PTPRT: variants seen among roughly 807,000 people sequenced by gnomAD.
PTPRT encodes the protein protein tyrosine phosphatase receptor type T.
In PTPRT, 56 loss-of-function variants were observed where a neutral mutation model predicts 176.8. The ratio of observed to expected loss-of-function variants is 0.32; its 90% confidence interval spans 0.26 to 0.40. The LOEUF (loss-of-function observed/expected upper bound fraction) is 0.40. Ranked by LOEUF, PTPRT falls within the 10% of genes least tolerant of loss-of-function variation. The probability of loss-of-function intolerance (pLI) is 1.00; values close to 1 mark genes in which losing one functional copy is unlikely to be tolerated. For missense variants in PTPRT, 1,540 were observed against 1,908.2 expected (o/e 0.81, Z 3.60); for synonymous variants, 783 against 739.0 (o/e 1.06, Z -0.96).
At chr20:42,646,513 T>C (rs1320464444) in intron 7 of PTPRT, among the ~76,000 whole-genome samples, 1 of 152,156 alleles carries the variant, frequency 6.6e-6, no homozygotes, top group Non-Finnish European at 1.5e-5. Context: ...AGAGCTGCAC[T>C]TCCAATATGG....
intron 15 of PTPRT, among the ~76,000 whole-genome samples, chr20:42,227,632 G>T (rs1440246224): frequency 1.5e-5 from 2 of 131,906 alleles, no homozygotes; most frequent in East Asian, 4.9e-4. Context: ...TTTTGAGACG[G>T]AGTTCACTCT....
intron 2 of PTPRT, among the ~76,000 whole-genome samples, chr20:42,839,340 G>C (rs1444727179): frequency 3.4e-5 from 5 of 147,998 alleles, no homozygotes. Context: ...CCCTTCACAT[G>C]ATCTAGCTCT....
chr20:43,093,551 C>T (rs185004078), intron 1 of PTPRT, among the ~76,000 whole-genome samples: 56 of 152,338 alleles, frequency 3.7e-4, no homozygotes, highest in African/African-American at 1.3e-3. Flanking sequence ...TGCACACACA[C>T]AACAGGTCTG....
intron 1 of PTPRT, among the ~76,000 whole-genome samples, chr20:43,180,157 C>G (rs1333175675): frequency 6.6e-6 from 1 of 152,168 alleles, no homozygotes; most frequent in African/African-American, 2.4e-5. Flanking sequence ...TCCTCTCCTT[C>G]CCTTGGGCAT....
rs115701145 is a variant in PTPRT at position 42,378,793 on chromosome 20, G to A, written c.1561-26508C>T. ...GGCTCAGTTTCCTCATCTGTAGAGCGCAGATACTAATGGTATCCCCTTCAC... is the reference window on the plus strand; with the variant it reads ...GGCTCAGTTTCCTCATCTGTAGAGCACAGATACTAATGGTATCCCCTTCAC... On this transcript the variant is annotated intron_variant, in intron 9 of 30. Transcript: ENST00000373187. Among the ~76,000 whole-genome samples the A allele has an allele frequency of 6.8e-3, 1,032 of 152,232 alleles. 16 individuals are homozygous for A. Among genetic ancestry groups the A allele is most frequent in the African/African-American group, 0.024 (983 of 41,546 alleles).
chr20:42,300,783 A>ATTATTAT (rs2057455554), intron 12 of PTPRT, among the ~76,000 whole-genome samples: 1 of 141,296 alleles, frequency 7.1e-6, no homozygotes, highest in Non-Finnish European at 1.5e-5. Flanking sequence ...ATTATTATTT[A>ATTATTAT]TTATTATTAT....
At chr20:43,065,041 C>A (rs1987630762) in intron 1 of PTPRT, among the ~76,000 whole-genome samples, 1 of 152,156 alleles carries the variant, frequency 6.6e-6, no homozygotes, top group South Asian at 2.1e-4. Flanking sequence ...TCTCTTCCAA[C>A]CCACACTCTT....
rs375146456 is a variant in PTPRT, at chr20:43,032,473, T to TAAAA, written c.89-146545_89-146542dup. ...CACCCACTGTCCCAAATCTTTTCAT[T>TAAAA]AAAAAAAAAAAAAAAAAACAGTGGC... On this transcript the variant is annotated intron_variant, in intron 1 of 30. Transcript: ENST00000373187. 4.2e-3 allele frequency among the ~76,000 whole-genome samples: 505 copies of TAAAA among 121,626 alleles called. 5 individuals are homozygous for TAAAA. The highest frequency in any genetic ancestry group is 0.014 in the African/African-American group (478 of 33,364). The allele number at this position is 121,626 out of a possible 152,430, so 79.8% of individuals were successfully genotyped here.
intron 1 of PTPRT, among the ~76,000 whole-genome samples, chr20:42,932,053 G>A (rs528034252): frequency 7.2e-5 from 11 of 152,194 alleles, no homozygotes; most frequent in African/African-American, 1.9e-4. Flanking sequence ...TGGCTTGGGC[G>A]TGAGTCCTGC....
chr20:42,580,336 G>GT (rs1568992627), intron 7 of PTPRT, among the ~76,000 whole-genome samples: 1 of 151,964 alleles, frequency 6.6e-6, no homozygotes, highest in African/African-American at 2.4e-5. Context: ...GTCAGGTAGC[G>GT]TGATGCCTCC....
intron 27 of PTPRT, among the ~76,000 whole-genome samples, chr20:42,089,006 T>G (rs1458116545): frequency 6.6e-6 from 1 of 152,178 alleles, no homozygotes; most frequent in South Asian, 2.1e-4. Context: ...ATAAATAGCA[T>G]AAGTATGCAA....
In PTPRT at chr20:42,381,034, T is replaced by A. The variant is rs1273047714; in HGVS notation, c.1561-28749A>T. 2.0e-5 allele frequency among the ~76,000 whole-genome samples: 3 copies of A among 152,162 alleles called. No homozygotes were observed. The East Asian group carries it at 5.8e-4, about 30-fold the overall frequency. On this transcript the variant is annotated intron_variant, in intron 9 of 30. Coordinates refer to ENST00000373187, the MANE Select transcript of PTPRT (RefSeq NM_007050.6). ...AAGGGAGGGAGGTGCTACACACTTTTAAACAACCAGATCTCACGAGAACTC... is the reference window on the plus strand; with the variant it reads ...AAGGGAGGGAGGTGCTACACACTTTAAAACAACCAGATCTCACGAGAACTC...
chr20:43,045,784 A>C (rs1310373133), intron 1 of PTPRT, among the ~76,000 whole-genome samples: 1 of 152,070 alleles, frequency 6.6e-6, no homozygotes, highest in African/African-American at 2.4e-5. Flanking sequence ...TTTTGAGTTT[A>C]TAATCTCCTG....
chr20:42,719,831 C>T (rs1018124121), intron 6 of PTPRT, among the ~76,000 whole-genome samples: 2 of 152,222 alleles, frequency 1.3e-5, no homozygotes, highest in Admixed American at 6.5e-5. Flanking sequence ...GGCAGCCCCA[C>T]GTCCCCAGGT....
In PTPRT at chr20:43,046,543, C is replaced by CAA. The variant is rs3092687; in HGVS notation, c.88+143101_88+143102dup. Among the ~76,000 whole-genome samples the CAA allele has an allele frequency of 4.0e-3, 561 of 140,568 alleles. 3 individuals are homozygous for CAA. Among genetic ancestry groups the CAA allele is most frequent in the African/African-American group, 0.012 (464 of 38,910 alleles). 92.2% of individuals were successfully genotyped at this position (140,568 alleles called of 152,430 possible). A position where few individuals can be genotyped will look rare whatever the true frequency, so the allele number is the denominator to read the frequency against. On this transcript the variant is annotated intron_variant, in intron 1 of 30. Transcript: ENST00000373187. The stretch of plus-strand genomic sequence containing the variant: ...TGGGTAACAGAGCGAGTCTCTGTCT[C>CAA]AAAAAAAAAAAAAATGGTTACTGAA...
chr20:43,055,996 T>G (rs1265750188), intron 1 of PTPRT, among the ~76,000 whole-genome samples: 3 of 152,174 alleles, frequency 2.0e-5, no homozygotes, highest in Non-Finnish European at 4.4e-5. Flanking sequence ...AACTATTATA[T>G]TAGACAGAAA....
chr20:42,106,342 C>T (rs1986439613), intron 24 of PTPRT, among the ~76,000 whole-genome samples: 1 of 152,234 alleles, frequency 6.6e-6, no homozygotes, highest in Non-Finnish European at 1.5e-5. Context: ...AAATGCCCAG[C>T]ACCCAGCTTA....
chr20:42,620,020 C>G (rs202095737), intron 7 of PTPRT, among the ~76,000 whole-genome samples: 1 of 150,102 alleles, frequency 6.7e-6, no homozygotes, highest in Non-Finnish European at 1.5e-5. Context: ...AGGCGCTCTG[C>G]GTTTTAGAAT....
Position 42,077,098 on chromosome 20 carries a change from C to T in PTPRT, c.*3781G>A, listed in dbSNP as rs947729422. 5.5e-5 allele frequency: 10 copies of T among 182,374 alleles called. No individual in the cohort carries two copies. The highest frequency in any genetic ancestry group is 2.4e-4 in the African/African-American group (10 of 42,478). The allele number at this position is 182,374 out of a possible 1,614,324, so 11.3% of individuals were successfully genotyped here. On this transcript the variant is annotated 3_prime_UTR_variant, in exon 31 of 31. Coordinates refer to ENST00000373187, the MANE Select transcript of PTPRT (RefSeq NM_007050.6). ...TAAATGGTGACAATCACAAACCCTC[C>T]TTTAGAATGCTGGAAGAATTTAATG...
Sources: gnomAD v4.1 joint callset for allele counts (sites outside exome capture counted in the v4.1 genomes callset) on GRCh38, gnomAD v4.1.1 for gene constraint, MANE v1.5 for transcripts, NCBI Gene and HGNC (gene_info 2026-07-23, HGNC 2026-07-21) for gene names.